Variants in USP4 observed in about 807,000 individuals in gnomAD.
The protein encoded by USP4 is ubiquitin carboxyl-terminal hydrolase 4.
In USP4, 72 loss-of-function variants were observed where a neutral mutation model predicts 118.2. The observed-to-expected ratio is 0.61, with a 90% confidence interval of 0.50 to 0.74. The LOEUF is 0.74. Among genes scored for constraint, USP4 ranks in the 30% least tolerant of loss-of-function variants. The pLI is 0.00. For synonymous variants in USP4, 415 were observed against 440.4 expected (o/e 0.94, Z 0.72); for missense variants, 1,037 against 1,185.7 (o/e 0.87, Z 1.84).
At chr3:49,326,086 G>A (rs752982673) in intron 3 of USP4, among the ~76,000 whole-genome samples, 24 of 152,140 alleles carry the variant, frequency 1.6e-4, no homozygotes, top group Non-Finnish European at 3.4e-4. Flanking sequence ...GGAGGCCGAG[G>A]TGGGTGGATC....
intron 15 of USP4, 34 bp from the exon 16 acceptor site, chr3:49,286,359 T>G (rs2047090884): frequency 6.3e-7 from 1 of 1,592,220 alleles, no homozygotes; most frequent in Non-Finnish European, 8.6e-7. Flanking sequence ...ATGTATATAA[T>G]TTCCTACCAT....
At chr3:49,339,379 C>T (rs1329335056) in intron 1 of USP4, among the ~76,000 whole-genome samples, 1 of 152,184 alleles carries the variant, frequency 6.6e-6, no homozygotes, top group Non-Finnish European at 1.5e-5. Flanking sequence ...CCTCCTCTCC[C>T]ACTCCAAGAC....
At chr3:49,300,344 GC>G (rs1488728933) in intron 11 of USP4, 122 bp downstream of exon 11, 1 of 785,052 alleles carries the variant, frequency 1.3e-6, no homozygotes, top group African/African-American at 1.7e-5. Flanking sequence ...GAGGCCAAGG[GC>G]CCATACCCAG....
intron 1 of USP4, among the ~76,000 whole-genome samples, chr3:49,336,168 T>TTTTA (rs2047667614): frequency 7.1e-6 from 1 of 141,550 alleles, no homozygotes; most frequent in Admixed American, 7.1e-5. Flanking sequence ...CTGGCCTCTT[T>TTTTA]TTTTTTTTTT....
chr3:49,288,885 G>A (rs1346106807), intron 15 of USP4, among the ~76,000 whole-genome samples: 7 of 152,132 alleles, frequency 4.6e-5, no homozygotes, highest in Admixed American at 3.3e-4. Flanking sequence ...TGAGGCAGAT[G>A]GATTGCTTGA....
At chr3:49,315,350 A>T (rs1231550184) in intron 6 of USP4, among the ~76,000 whole-genome samples, 4 of 152,146 alleles carry the variant, frequency 2.6e-5, no homozygotes, top group Non-Finnish European at 4.4e-5. Flanking sequence ...CCTATCTATT[A>T]AAAAATACTC....
At chr3:49,323,785 A>G (rs1475660148) in intron 6 of USP4, among the ~76,000 whole-genome samples, 8 of 152,212 alleles carry the variant, frequency 5.3e-5, no homozygotes, top group Non-Finnish European at 1.0e-4. Context: ...GAACACAGAT[A>G]TAATTTCCAA....
At chr3:49,339,623 G>C (rs1204211060) in intron 1 of USP4, among the ~76,000 whole-genome samples, 2 of 152,174 alleles carry the variant, frequency 1.3e-5, no homozygotes, top group Non-Finnish European at 2.9e-5. Context: ...GAGTCCTCAT[G>C]GTAAAGGGCT....
At chr3:49,327,485 G>C (rs1417963846) in intron 3 of USP4, among the ~76,000 whole-genome samples, 1 of 152,098 alleles carries the variant, frequency 6.6e-6, no homozygotes. Context: ...GCAGTGAGCC[G>C]AGATCGTGCC....
chr3:49,307,797 A>G (rs1197641252), intron 8 of USP4, among the ~76,000 whole-genome samples: 1 of 151,786 alleles, frequency 6.6e-6, no homozygotes, highest in Non-Finnish European at 1.5e-5. Context: ...AAAACAAAAC[A>G]AAACAAAACA....
intron 6 of USP4, among the ~76,000 whole-genome samples, chr3:49,322,846 G>T (rs1575618182): frequency 6.7e-6 from 1 of 149,380 alleles, no homozygotes; most frequent in East Asian, 2.0e-4. Context: ...AAGAGAGTAA[G>T]ACTCCGTCAC....
chr3:49,332,361 G>C (rs1263979735), intron 2 of USP4, among the ~76,000 whole-genome samples: 1 of 152,056 alleles, frequency 6.6e-6, no homozygotes, highest in Non-Finnish European at 1.5e-5. Context: ...AGGAGGCTGA[G>C]GTGGGAGGAT....
intron 19 of USP4, 39 bp downstream of exon 19, chr3:49,283,948 T>C: frequency 6.2e-7 from 1 of 1,604,510 alleles, no homozygotes; most frequent in Non-Finnish European, 8.5e-7. Flanking sequence ...TTTCTGCCTG[T>C]TTTTAAATGT....
At position 49,311,577 on chromosome 3, in the gene USP4, G is replaced by C. The variant is rs916285488; in HGVS notation, c.773C>G (p.Ser258Cys). The C allele has an allele frequency of 1.9e-6, 3 of 1,613,962 alleles. No individual in the cohort carries two copies. The highest frequency in any genetic ancestry group is 2.7e-5 in the African/African-American group (2 of 74,930). The part of the protein sequence containing the change: ...SASPYSSVSA[S>C]LIANGDSTST... ...AGTGCTATCACCATTTGCAATGAGA[G>C]AGGCAGACACTGAGGAATAGGGACT... Residue 258 changes from serine (S) to cysteine (C), a missense_variant, in exon 7 of 22, where the codon TCT becomes TGT. This residue lies in a region of USP4 where 487 missense variants were observed against 534.1 expected (regional missense o/e 0.91). Transcript: ENST00000265560.
At position 49,325,723 on chromosome 3, in the gene USP4, G is replaced by C. The variant is rs1397649654; in HGVS notation, c.483C>G (p.Thr161=). 6.2e-7 allele frequency: 1 copy of C among 1,613,342 alleles called. No individual in the cohort carries two copies. Among genetic ancestry groups the C allele is most frequent in the East Asian group, 2.2e-5 (1 of 44,878 alleles). Residue 161 remains threonine, a synonymous_variant, in exon 4 of 22, where the codon ACC becomes ACG. Coordinates refer to ENST00000265560, the MANE Select transcript of USP4 (RefSeq NM_003363.4). ...VLSCHFSKAD[T]IATIEKEMRK... is the part of the protein sequence containing the mutation. ...GACCCCAGCCCAGCCTCTCACCAAT[G>C]GTGTCTGCCTTGCTGAAATGGCAAC...
chr3:49,287,712 A>T (rs1355811300), intron 15 of USP4, among the ~76,000 whole-genome samples: 1 of 152,106 alleles, frequency 6.6e-6, no homozygotes, highest in Admixed American at 6.6e-5. Flanking sequence ...CCCTAAAGTG[A>T]TCTGCCCTCT....
chr3:49,320,398 C>T (rs577316683), intron 6 of USP4, among the ~76,000 whole-genome samples: 3 of 152,160 alleles, frequency 2.0e-5, no homozygotes, highest in South Asian at 2.1e-4. Flanking sequence ...GCCAAGATCG[C>T]GCCATTACAC....
At chr3:49,280,559 C>CAA (rs371988656) in intron 20 of USP4, among the ~76,000 whole-genome samples, 185 bp downstream of exon 20, 529 of 52,406 alleles carry the variant, frequency 0.01, 8 homozygotes, top group African/African-American at 0.037. Context: ...GACTCCGTCT[C>CAA]AAAAAAAAAA....
At chr3:49,337,754 T>G (rs1395753849) in intron 1 of USP4, among the ~76,000 whole-genome samples, 1 of 151,618 alleles carries the variant, frequency 6.6e-6, no homozygotes, top group Non-Finnish European at 1.5e-5. Context: ...ATTTTTAAAG[T>G]ATCACTGTGC....
Sources: gnomAD v4.1 joint callset for allele counts (sites outside exome capture counted in the v4.1 genomes callset) on GRCh38, gnomAD v4.1.1 for gene constraint, gnomAD v4.1.1 regional missense constraint, MANE v1.5 for transcripts, NCBI Gene and HGNC (gene_info 2026-07-23, HGNC 2026-07-21) for gene names.